ANKFN1: variants seen among roughly 807,000 people sequenced by gnomAD.
The protein encoded by ANKFN1 is ankyrin repeat and fibronectin type III domain containing 1.
Under a neutral mutation model 108.7 loss-of-function variants are expected in ANKFN1, and 74 were observed. The ratio of observed to expected loss-of-function variants is 0.68; its 90% CI spans 0.56 to 0.83. The LOEUF is 0.83. Ranked by LOEUF, ANKFN1 falls within the 40% of genes least tolerant of loss-of-function variation. ANKFN1 has a pLI of 0.00. For missense variants in ANKFN1, 1,505 were observed against 1,382.3 expected, an observed-to-expected ratio of 1.09 and a Z score of -1.41; for synonymous variants, 547 against 516.2, an observed-to-expected ratio of 1.06 and a Z score of -0.81.
intron 6 of ANKFN1, among the ~76,000 whole-genome samples, chr17:56,371,826 C>G (rs1348249525): frequency 6.6e-6 from 1 of 152,176 alleles, no homozygotes; most frequent in East Asian, 1.9e-4. Context: ...AACGCAAGAG[C>G]AGGATGGCTA....
At chr17:56,048,019 C>T (rs1904710058) in intron 4 of ANKFN1, among the ~76,000 whole-genome samples, 1 of 152,206 alleles carries the variant, frequency 6.6e-6, no homozygotes, top group Non-Finnish European at 1.5e-5. Flanking sequence ...TTCCCTGTGC[C>T]ATCTCCCAAT....
chr17:56,322,141 A>C (rs535339836), intron 3 of ANKFN1, among the ~76,000 whole-genome samples: 136 of 152,294 alleles, frequency 8.9e-4, no homozygotes, highest in African/African-American at 3.2e-3. Flanking sequence ...TCTTAAAAAA[A>C]AGAGCACAGA....
chr17:56,241,311 G>A (rs957479862), intron 3 of ANKFN1, among the ~76,000 whole-genome samples: 1 of 152,008 alleles, frequency 6.6e-6, no homozygotes, highest in Non-Finnish European at 1.5e-5. Flanking sequence ...ACAAAAAAAA[G>A]AAAGTTACAT....
intron 10 of ANKFN1, among the ~76,000 whole-genome samples, chr17:56,445,935 T>C (rs914435701): frequency 6.6e-6 from 1 of 152,170 alleles, no homozygotes; most frequent in African/African-American, 2.4e-5. Flanking sequence ...CACAATCTGC[T>C]CTTTTCCTAC....
At chr17:56,151,323 C>A (rs951766188), upstream of ANKFN1, among the ~76,000 whole-genome samples, 1 of 152,278 alleles carries the variant, frequency 6.6e-6, no homozygotes, top group East Asian at 1.9e-4. Context: ...GTGTCATCAT[C>A]CCCTGAAGAA....
chr17:56,326,380 T>C (rs2045517540), intron 4 of ANKFN1, 25 bp downstream of exon 4: 3 of 1,601,552 alleles, frequency 1.9e-6, no homozygotes, highest in Non-Finnish European at 2.6e-6. Context: ...CTGTTGTCTT[T>C]CTTCATGTGA....
chr17:56,313,618 C>A (rs1567906119), intron 3 of ANKFN1, among the ~76,000 whole-genome samples: 1 of 152,146 alleles, frequency 6.6e-6, no homozygotes, highest in Non-Finnish European at 1.5e-5. Flanking sequence ...TACAAATACC[C>A]ATCCCCATAT....
chr17:56,325,060 A>T (rs576859771), intron 3 of ANKFN1, among the ~76,000 whole-genome samples: 20 of 152,336 alleles, frequency 1.3e-4, no homozygotes, highest in African/African-American at 4.8e-4. Flanking sequence ...TATGATCAAG[A>T]GACTTTCTCC....
chr17:56,326,581 G>A (rs995172873), intron 4 of ANKFN1, among the ~76,000 whole-genome samples: 3 of 152,170 alleles, frequency 2.0e-5, no homozygotes, highest in African/African-American at 7.2e-5. Context: ...ATGGGGGTAG[G>A]GAAGCCCCAT....
At chr17:56,447,110 C>A (rs1307832941) in intron 10 of ANKFN1, among the ~76,000 whole-genome samples, 1 of 152,140 alleles carries the variant, frequency 6.6e-6, no homozygotes, top group Non-Finnish European at 1.5e-5. Context: ...GTAGTCCTAG[C>A]TACTTGGGAG....
intron 4 of ANKFN1, among the ~76,000 whole-genome samples, chr17:56,336,326 C>A (rs547568568): frequency 6.6e-6 from 1 of 152,084 alleles, no homozygotes; most frequent in Non-Finnish European, 1.5e-5. Context: ...TGGTAGAATT[C>A]GGCTGGGAAT....
chr17:56,473,116 C>G (rs1032343803), intron 15 of ANKFN1: 2 of 152,084 alleles, frequency 1.3e-5, no homozygotes, highest in African/African-American at 4.8e-5. Flanking sequence ...TTTTATTCAT[C>G]TCGATGTCAT....
At chr17:56,266,351 G>A (rs1315031902) in intron 3 of ANKFN1, among the ~76,000 whole-genome samples, 2 of 152,038 alleles carry the variant, frequency 1.3e-5, no homozygotes, top group Admixed American at 6.6e-5. Flanking sequence ...TTCAACCTGA[G>A]CCCTTCCATC....
chr17:56,403,374 A>G (rs2047821359), intron 8 of ANKFN1, among the ~76,000 whole-genome samples: 1 of 152,048 alleles, frequency 6.6e-6, no homozygotes, highest in Admixed American at 6.6e-5. Context: ...TAAATTTTAG[A>G]GCTCCAGTGT....
In ANKFN1 at chr17:56,391,368, ATGTGTGTGTGTGTG is replaced by A. The variant is rs199687714; in HGVS notation, c.910+16684_910+16697del. Among the ~76,000 whole-genome samples the A allele has an allele frequency of 6.0e-3, 776 of 128,414 alleles. 11 individuals carry two copies. The highest frequency in any genetic ancestry group is 8.8e-3 in the Admixed American group (117 of 13,240). 84.2% of individuals were successfully genotyped at this position (128,414 alleles called of 152,430 possible). A position where few individuals can be genotyped will look rare whatever the true frequency, so the allele number is the denominator to read the frequency against. On this transcript the variant is annotated intron_variant, in intron 8 of 20. Coordinates refer to ENST00000682825, the MANE Select transcript of ANKFN1 (RefSeq NM_001370326.1). ...TGAAGGCCCAAGAATACATATATAT[ATGTGTGTGTGTGTG>A]TGTGTGTGTGTGTGTGTGTGTGTGT...
intron 8 of ANKFN1, among the ~76,000 whole-genome samples, chr17:56,395,149 A>G (rs1167281881): frequency 1.3e-5 from 2 of 152,214 alleles, no homozygotes; most frequent in Non-Finnish European, 2.9e-5. Flanking sequence ...AGAAAACAGA[A>G]GCCATGCTCA....
chr17:56,073,235 G>A (rs1466899303), intron 4 of ANKFN1, among the ~76,000 whole-genome samples: 3 of 152,028 alleles, frequency 2.0e-5, no homozygotes, highest in South Asian at 2.1e-4. Context: ...CTCGTGATCC[G>A]CCCGCCTCGG....
chr17:56,328,130 C>T (rs191713758), intron 4 of ANKFN1, among the ~76,000 whole-genome samples: 36 of 152,240 alleles, frequency 2.4e-4, no homozygotes, highest in African/African-American at 6.3e-4. Flanking sequence ...GCTATACTTA[C>T]GACCCCAAGA....
chr17:56,393,036 T>A (rs2047483994), intron 8 of ANKFN1, among the ~76,000 whole-genome samples: 3 of 152,218 alleles, frequency 2.0e-5, no homozygotes, highest in African/African-American at 7.2e-5. Context: ...TAGGTCATTT[T>A]GTTCCAGGCT....
Sources: allele counts gnomAD v4.1 joint callset (sites outside exome capture counted in the v4.1 genomes callset), GRCh38; gene constraint gnomAD v4.1.1; transcripts MANE v1.5; gene names NCBI Gene and HGNC (gene_info 2026-07-23, HGNC 2026-07-21).